The following PCDHGB5 variants were observed in gnomAD, a reference collection of about 807,000 sequenced individuals.
PCDHGB5 encodes the protein protocadherin gamma-B5.
A neutral mutation model predicts 62.9 loss-of-function variants in PCDHGB5; 48 were observed. The ratio of observed to expected loss-of-function variants is 0.76; its 90% CI spans 0.61 to 0.97. PCDHGB5 has a LOEUF of 0.97. Ranked by LOEUF, PCDHGB5 falls within the 50% of genes least tolerant of loss-of-function variation. The pLI, the probability that PCDHGB5 is intolerant of heterozygous loss-of-function variation, is 0.00. For missense variants in PCDHGB5, 1,118 were observed against 1,198.6 expected, an observed-to-expected ratio of 0.93 and a Z score of 0.99; for synonymous variants, 474 against 511.2, an observed-to-expected ratio of 0.93 and a Z score of 0.98.
intron 3 of PCDHGB5, among the ~76,000 whole-genome samples, chr5:141,509,262 ACT>A (rs761383166): frequency 9.2e-5 from 14 of 151,714 alleles, no homozygotes; most frequent in Non-Finnish European, 1.9e-4. Flanking sequence ...GGCTTTAGTC[ACT>A]CTCGCTACCC....
At chr5:141,509,823 TTCTC>T (rs2099878456) in intron 3 of PCDHGB5, among the ~76,000 whole-genome samples, 1 of 152,170 alleles carries the variant, frequency 6.6e-6, no homozygotes, top group Non-Finnish European at 1.5e-5. Flanking sequence ...CTTCTCCATC[TTCTC>T]TCTACCTCCC....
At chr5:141,441,127 G>A (rs1224106490) in intron 1 of PCDHGB5, 2 of 152,138 alleles carry the variant, frequency 1.3e-5, no homozygotes, top group African/African-American at 2.4e-5. Context: ...AGTTGAGACC[G>A]AATTTCTAGA....
intron 1 of PCDHGB5, chr5:141,417,666 G>C (rs1487166683): frequency 3.1e-5 from 28 of 917,486 alleles, no homozygotes; most frequent in Non-Finnish European, 4.2e-5. Context: ...GGGATTCCCT[G>C]CGCAGCCAAC....
At chr5:141,404,978 G>T (rs373968137) in intron 1 of PCDHGB5, 2 of 1,613,976 alleles carry the variant, frequency 1.2e-6, no homozygotes, top group Non-Finnish European at 8.5e-7. Flanking sequence ...GGCTGACCTG[G>T]GCAGTCTTCA....
chr5:141,424,750 A>T (rs2096838482), intron 1 of PCDHGB5: 1 of 152,114 alleles, frequency 6.6e-6, no homozygotes, highest in Admixed American at 6.5e-5. Context: ...CTTTCTTTAT[A>T]AGGTCATTCT....
Position 141,494,770 on chromosome 5 carries a change from C to T in PCDHGB5, c.2398-37C>T, listed in dbSNP as rs767006872. 43 of 1,614,022 alleles carry T rather than the reference C, an allele frequency of 2.7e-5. No homozygotes were observed. In the East Asian group the frequency reaches 7.6e-4, roughly 28 times the overall value. On this transcript the variant is annotated intron_variant, in intron 1 of 3. Coordinates refer to ENST00000617380, the MANE Select transcript of PCDHGB5 (RefSeq NM_018925.3). ...GCTCGGGTGACATTCTAACTTCTCA[C>T]GGGTACTCAGCCCCTTTCCCTCTGT...
At chr5:141,462,020 T>G (rs1371390043) in intron 1 of PCDHGB5, among the ~76,000 whole-genome samples, 6 of 152,110 alleles carry the variant, frequency 3.9e-5, no homozygotes, top group Non-Finnish European at 8.8e-5. Flanking sequence ...ACGGGGTTTC[T>G]TCATGTTGGT....
Position 141,485,715 on chromosome 5 carries a change from A to G in PCDHGB5, c.2398-9092A>G. The G allele has an allele frequency of 6.2e-7, 1 of 1,614,114 alleles. No homozygotes were observed. Among genetic ancestry groups the G allele is most frequent in the Non-Finnish European group, 8.5e-7 (1 of 1,180,012 alleles). On this transcript the variant is annotated intron_variant, in intron 1 of 3. Transcript: ENST00000617380. The surrounding 1 kb of genome is among the most constrained non-coding windows in gnomAD (Gnocchi z 5.7). ...AGCTCCAATGAACACTTTGCACTGGATGTGAAGAAGCGCAGCGACGGCAGC... is the reference window on the plus strand; with the variant it reads ...AGCTCCAATGAACACTTTGCACTGGGTGTGAAGAAGCGCAGCGACGGCAGC...
rs1310685846 is a variant in PCDHGB5, at chr5:141,423,037, T to C, written c.2397+22513T>C. ...GGACAAAGATTCAGGCCAGAACGCCTGGCTGTCCTATCGCCTGCTTAAGGC... is the reference window on the plus strand; with the variant it reads ...GGACAAAGATTCAGGCCAGAACGCCCGGCTGTCCTATCGCCTGCTTAAGGC... On this transcript the variant is annotated intron_variant, in intron 1 of 3. Transcript: ENST00000617380. 5 of 1,614,086 alleles carry C rather than the reference T, an allele frequency of 3.1e-6. No homozygotes were observed. In the African/African-American group the frequency reaches 5.3e-5, roughly 17 times the overall value.
intron 1 of PCDHGB5, among the ~76,000 whole-genome samples, chr5:141,439,243 T>C (rs2098101178): frequency 6.6e-6 from 1 of 151,962 alleles, no homozygotes; most frequent in Non-Finnish European, 1.5e-5. Flanking sequence ...CCTATACAAT[T>C]TCAGCTGAAG....
Position 141,510,866 on chromosome 5 carries a change from C to G in PCDHGB5, c.2546-81C>G. 1.9e-6 allele frequency: 3 copies of G among 1,607,908 alleles called. No homozygotes were observed. The East Asian group carries it at 6.7e-5, about 36-fold the overall frequency. ...AGGCCCAGGGTGCTGTATAGGCATT[C>G]ATTAACTGCTGGGGATATAAGACAG... On this transcript the variant is annotated intron_variant, in intron 3 of 3. Coordinates refer to ENST00000617380, the MANE Select transcript of PCDHGB5 (RefSeq NM_018925.3).
intron 1 of PCDHGB5, chr5:141,422,942 G>C (rs199976232): frequency 6.2e-7 from 1 of 1,614,214 alleles, no homozygotes; most frequent in East Asian, 2.2e-5. Flanking sequence ...CCCACAGACG[G>C]CTCCACTGGC....
In PCDHGB5 at chr5:141,477,875, G is replaced by A. The variant is rs760433987; in HGVS notation, c.2398-16932G>A. Reference sequence around the variant, plus strand: ...GATGCTGCCTCGAGGTACCTCAGCTGGCCACCTAGTGTCACGGGTGGTAGG... The same window carrying A: ...GATGCTGCCTCGAGGTACCTCAGCTAGCCACCTAGTGTCACGGGTGGTAGG... On this transcript the variant is annotated intron_variant, in intron 1 of 3. Coordinates refer to ENST00000617380, the MANE Select transcript of PCDHGB5 (RefSeq NM_018925.3). The surrounding 1 kb of genome is among the most constrained non-coding windows in gnomAD (Gnocchi z 4.9). 1 of 1,614,162 alleles carries A rather than the reference G, an allele frequency of 6.2e-7. No homozygotes were observed. Among genetic ancestry groups the A allele is most frequent in the Non-Finnish European group, 8.5e-7 (1 of 1,180,028 alleles).
At chr5:141,492,237 C>G (rs2099738580) in intron 1 of PCDHGB5, among the ~76,000 whole-genome samples, 1 of 152,206 alleles carries the variant, frequency 6.6e-6, no homozygotes, top group Admixed American at 6.5e-5. Flanking sequence ...TCCCTGCTGG[C>G]CACCCCCACG....
intron 1 of PCDHGB5, chr5:141,478,109 T>G: frequency 1.2e-6 from 2 of 1,614,086 alleles, no homozygotes; most frequent in Non-Finnish European, 8.5e-7. Flanking sequence ...CCTCACTGTG[T>G]CAGTAACCGA....
At chr5:141,453,321 T>TG (rs2098762672) in intron 1 of PCDHGB5, among the ~76,000 whole-genome samples, 2 of 151,876 alleles carry the variant, frequency 1.3e-5, no homozygotes, top group Admixed American at 6.6e-5. Context: ...ATTTTAGAGA[T>TG]GGGGTCTCAC....
Position 141,493,689 on chromosome 5 carries a change from C to A in PCDHGB5, c.2398-1118C>A, listed in dbSNP as rs2099749557. The stretch of plus-strand genomic sequence containing the variant: ...GGCAGCCCCAGAATGGTGCTGGTGA[C>A]TCCCGATACACCTGGAATGCTAGGT... On this transcript the variant is annotated intron_variant, in intron 1 of 3. Transcript: ENST00000617380. The surrounding 1 kb of genome is among the most constrained non-coding windows in gnomAD (Gnocchi z 4.3). Among the ~76,000 whole-genome samples the A allele has an allele frequency of 6.6e-6, 1 of 152,218 alleles. No homozygotes were observed. The highest frequency in any genetic ancestry group is 2.4e-5 in the African/African-American group (1 of 41,450).
At chr5:141,420,237 C>A in intron 1 of PCDHGB5, 1 of 1,595,672 alleles carries the variant, frequency 6.3e-7, no homozygotes, top group Non-Finnish European at 8.6e-7. Context: ...AGCATTTTAA[C>A]TCCCAGCGTT....
intron 3 of PCDHGB5, among the ~76,000 whole-genome samples, chr5:141,507,803 G>GAC (rs2099863701): frequency 6.6e-6 from 1 of 152,228 alleles, no homozygotes; most frequent in Admixed American, 6.5e-5. Flanking sequence ...CCTGCGCCCT[G>GAC]GGGAACGGAC....
Sources: allele counts gnomAD v4.1 joint callset (sites outside exome capture counted in the v4.1 genomes callset), GRCh38; gene constraint gnomAD v4.1.1; non-coding constraint Gnocchi (gnomAD v3.1); transcripts MANE v1.5; gene names NCBI Gene and HGNC (gene_info 2026-07-23, HGNC 2026-07-21).